SESTD1: variants seen among roughly 807,000 people sequenced by gnomAD.
The protein encoded by SESTD1 is SEC14 domain and spectrin repeat-containing protein 1.
In SESTD1, 43 loss-of-function variants were observed where a neutral mutation model predicts 101.7. The observed-to-expected ratio is 0.42, with a 90% CI of 0.33 to 0.55. The LOEUF (loss-of-function observed/expected upper bound fraction) is 0.55, where lower values mean the gene tolerates loss of function less well. SESTD1 is among the 20% of genes least tolerant of loss of function. The pLI, the probability that SESTD1 is intolerant of heterozygous loss-of-function variation, is 0.07. For synonymous variants in SESTD1, 283 were observed against 286.8 expected (o/e 0.99, Z 0.13); for missense variants, 647 against 815.1 (o/e 0.79, Z 2.51).
intron 10 of SESTD1, among the ~76,000 whole-genome samples, chr2:179,128,672 T>C (rs2044935276): frequency 6.9e-6 from 1 of 145,910 alleles, no homozygotes; most frequent in Non-Finnish European, 1.5e-5. Flanking sequence ...GAGGTTGCAG[T>C]GAGCTGAGAT....
intron 1 of SESTD1, among the ~76,000 whole-genome samples, chr2:179,227,764 C>T (rs2046910806): frequency 6.6e-6 from 1 of 152,056 alleles, no homozygotes; most frequent in Non-Finnish European, 1.5e-5. Flanking sequence ...CTTGACATTA[C>T]TAGAAATTTT....
At chr2:179,260,994 A>T (rs539256659) in intron 1 of SESTD1, among the ~76,000 whole-genome samples, 1 of 152,300 alleles carries the variant, frequency 6.6e-6, no homozygotes, top group South Asian at 2.1e-4. Context: ...GGGGAAAAAG[A>T]CAAAAAGTGA....
intron 10 of SESTD1, among the ~76,000 whole-genome samples, chr2:179,129,374 T>C (rs978918596): frequency 2.6e-5 from 4 of 152,258 alleles, no homozygotes; most frequent in East Asian, 1.9e-4. Flanking sequence ...ACCATTTTCA[T>C]GTACCTTATT....
chr2:179,196,376 G>C (rs1559139407), intron 1 of SESTD1, among the ~76,000 whole-genome samples: 1 of 152,232 alleles, frequency 6.6e-6, no homozygotes, highest in Non-Finnish European at 1.5e-5. Context: ...AGTGAGGCTG[G>C]GAGAGGGGCG....
At chr2:179,146,269 C>G in intron 8 of SESTD1, 133 bp downstream of exon 8, 1 of 771,332 alleles carries the variant, frequency 1.3e-6, no homozygotes, top group Non-Finnish European at 2.2e-6. Context: ...AAAACCAGTC[C>G]CTGGTCCTCA....
chr2:179,248,946 C>G (rs1348899577), intron 1 of SESTD1, among the ~76,000 whole-genome samples: 3 of 150,608 alleles, frequency 2.0e-5, no homozygotes. Context: ...AAAAAATTAG[C>G]TGGGTGTGGT....
chr2:179,174,209 G>T (rs1479982059), intron 4 of SESTD1, among the ~76,000 whole-genome samples: 1 of 152,102 alleles, frequency 6.6e-6, no homozygotes, highest in Non-Finnish European at 1.5e-5. Flanking sequence ...GGCACTGTGG[G>T]GTCCCAAACA....
Position 179,124,426 on chromosome 2 carries a change from G to T in SESTD1, c.1105C>A (p.Gln369Lys). Reference sequence around the variant, plus strand: ...AAGAGATTTTGCCTAAATTCCAGCTGACTGGCCTGTCGATAACAAACATCA... The same window carrying T: ...AAGAGATTTTGCCTAAATTCCAGCTTACTGGCCTGTCGATAACAAACATCA... The part of the protein sequence containing the change: ...LSDVCYRQAS[Q>K]LEFRQNLLQA... The change falls in exon 11 of 18, where the codon CAG becomes AAG. Residue 369 changes from glutamine (Q) to lysine (K), a missense_variant. By Grantham distance (53) the Gln-to-Lys change is moderately conservative. Coordinates refer to ENST00000428443, the MANE Select transcript of SESTD1 (RefSeq NM_178123.5). 6.2e-7 allele frequency: 1 copy of T among 1,614,100 alleles called. No homozygotes were observed. Among genetic ancestry groups the T allele is most frequent in the Non-Finnish European group, 8.5e-7 (1 of 1,179,998 alleles).
At chr2:179,143,908 A>C in intron 8 of SESTD1, 105 bp from the exon 9 acceptor site, 1 of 1,132,690 alleles carries the variant, frequency 8.8e-7, no homozygotes, top group Non-Finnish European at 1.2e-6. Context: ...CTATCTACCT[A>C]CATATCTACC....
At chr2:179,204,664 A>C (rs2046567524) in intron 1 of SESTD1, among the ~76,000 whole-genome samples, 1 of 135,748 alleles carries the variant, frequency 7.4e-6, no homozygotes, top group Admixed American at 7.2e-5. Flanking sequence ...TCTTCCTTTT[A>C]GGTTGACATG....
chr2:179,132,812 A>G (rs2105428825), intron 9 of SESTD1, among the ~76,000 whole-genome samples: 1 of 152,242 alleles, frequency 6.6e-6, no homozygotes, highest in East Asian at 1.9e-4. Flanking sequence ...CTAACATTTA[A>G]GAAAACTGAG....
chr2:179,220,604 T>C (rs542949184), intron 1 of SESTD1, among the ~76,000 whole-genome samples: 1 of 152,178 alleles, frequency 6.6e-6, no homozygotes, highest in South Asian at 2.1e-4. Context: ...TTCCTTTTCC[T>C]TTTCCAAGGC....
chr2:179,236,927 T>G (rs996165184), intron 1 of SESTD1, among the ~76,000 whole-genome samples: 4 of 82,602 alleles, frequency 4.8e-5, no homozygotes, highest in African/African-American at 2.0e-4. Flanking sequence ...AAGGATCATC[T>G]TTTTGGTCAA....
At chr2:179,180,750 G>C (rs1373343709) in intron 3 of SESTD1, among the ~76,000 whole-genome samples, 1 of 152,104 alleles carries the variant, frequency 6.6e-6, no homozygotes, top group African/African-American at 2.4e-5. Context: ...TGGAAATTCT[G>C]AATGAAAAAC....
chr2:179,261,265 T>C (rs1008257893), intron 1 of SESTD1, among the ~76,000 whole-genome samples: 1 of 152,198 alleles, frequency 6.6e-6, no homozygotes, highest in African/African-American at 2.4e-5. Flanking sequence ...TTTGTTATTG[T>C]TTGGTTTGAT....
In SESTD1 at chr2:179,135,582, T is replaced by C. The variant is rs187833462; in HGVS notation, c.850-3156A>G. 6.6e-4 allele frequency among the ~76,000 whole-genome samples: 101 copies of C among 152,204 alleles called. 1 individual carries two copies. The East Asian group carries it at 0.019, about 29-fold the overall frequency. On this transcript the variant is annotated intron_variant, in intron 9 of 17. Transcript: ENST00000428443. ...CAGCCTGAGCAACATAGTGAGACCC[T>C]GTCTCTACTAAAAATACAAAAATTA...
At chr2:179,140,855 C>G (rs541070638) in intron 9 of SESTD1, among the ~76,000 whole-genome samples, 2 of 152,146 alleles carry the variant, frequency 1.3e-5, no homozygotes, top group Non-Finnish European at 2.9e-5. Flanking sequence ...ATAACTCCTT[C>G]CCTGAAATGC....
At chr2:179,117,657 T>C (rs1312157604) in intron 13 of SESTD1, 44 bp from the exon 14 acceptor site, 2 of 1,444,566 alleles carry the variant, frequency 1.4e-6, no homozygotes, top group Non-Finnish European at 1.9e-6. Flanking sequence ...TTCTGTTTTA[T>C]TGATTACTAT....
At position 179,149,059 on chromosome 2, in the gene SESTD1, CAAAAAAAAAAAAAAAAAAAA is replaced by C. The variant is rs66636048; in HGVS notation, c.581+218_581+237del. The stretch of plus-strand genomic sequence containing the variant: ...TGGGTGACAGAGCAAGACTCCGTCT[CAAAAAAAAAAAAAAAAAAAA>C]AAAAAAAAAAAAGGCTTTTGTGAAG... On this transcript the variant is annotated intron_variant, in intron 7 of 17. Coordinates refer to ENST00000428443, the MANE Select transcript of SESTD1 (RefSeq NM_178123.5). 4.9e-3 allele frequency among the ~76,000 whole-genome samples: 296 copies of C among 60,442 alleles called. 5 individuals carry two copies. Among genetic ancestry groups the C allele is most frequent in the African/African-American group, 0.015 (273 of 17,628 alleles). 39.7% of individuals were successfully genotyped at this position (60,442 alleles called of 152,430 possible). A position where few individuals can be genotyped will look rare whatever the true frequency, so the allele number is the denominator to read the frequency against.
Sources: gnomAD v4.1 joint callset for allele counts (sites outside exome capture counted in the v4.1 genomes callset) on GRCh38, gnomAD v4.1.1 for gene constraint, MANE v1.5 for transcripts, NCBI Gene and HGNC (gene_info 2026-07-23, HGNC 2026-07-21) for gene names.